NPHP1: variants seen among roughly 807,000 people sequenced by gnomAD.
The protein encoded by NPHP1 is nephrocystin-1.
In NPHP1, 70 loss-of-function variants were observed where a neutral mutation model predicts 90.4. The observed-to-expected ratio is 0.77, with a 90% confidence interval of 0.64 to 0.95. NPHP1 has a LOEUF of 0.95. NPHP1 is among the 40% of genes least tolerant of loss of function. The pLI is 0.00. For missense variants in NPHP1, 764 were observed against 795.9 expected, an observed-to-expected ratio of 0.96 and a Z score of 0.48; for synonymous variants, 256 against 271.7, an observed-to-expected ratio of 0.94 and a Z score of 0.57.
At chr2:110,164,195 C>A in intron 8 of NPHP1, 1 of 345,026 alleles carries the variant, frequency 2.9e-6, no homozygotes, top group Non-Finnish European at 5.5e-6. Context: ...AGCCACCACA[C>A]CTGGCTAATT....
chr2:110,178,752 A>T, intron 3 of NPHP1: 1 of 547,442 alleles, frequency 1.8e-6, no homozygotes, highest in South Asian at 2.6e-5. Context: ...AAATTATACC[A>T]CTTGTTTTAG....
chr2:110,126,657 T>A (rs867809755), intron 18 of NPHP1: 7 of 152,664 alleles, frequency 4.6e-5, no homozygotes, highest in Non-Finnish European at 5.9e-5. Context: ...CTTCTTATTA[T>A]TAAAATGTCA....
chr2:110,191,306 AC>A (rs940130686), intron 2 of NPHP1, among the ~76,000 whole-genome samples: 1 of 152,076 alleles, frequency 6.6e-6, no homozygotes, highest in African/African-American at 2.4e-5. Flanking sequence ...AAATCGGGTC[AC>A]CCCCACCCTA....
chr2:110,184,067 C>A, intron 2 of NPHP1: 1 of 519,812 alleles, frequency 1.9e-6, no homozygotes, highest in South Asian at 1.4e-5. Flanking sequence ...TGGAGTCTTA[C>A]GATACAATCA....
intron 11 of NPHP1, among the ~76,000 whole-genome samples, chr2:110,152,965 C>G (rs772235319): frequency 1.3e-5 from 2 of 151,952 alleles, no homozygotes; most frequent in Non-Finnish European, 2.9e-5. Flanking sequence ...ATTGAAGAAG[C>G]TGAGCAAACC....
intron 18 of NPHP1, chr2:110,127,107 G>A (rs1357584278): frequency 6.6e-6 from 1 of 152,230 alleles, no homozygotes; most frequent in Admixed American, 6.5e-5. Flanking sequence ...GAGCAGAAGT[G>A]GCCCAGGCCC....
Position 110,160,832 on chromosome 2 carries a change from C to T in NPHP1, c.955-577G>A, listed in dbSNP as rs1323674057. Among the ~76,000 whole-genome samples the T allele has an allele frequency of 6.6e-5, 10 of 152,232 alleles. No homozygotes were observed. In the South Asian group the frequency reaches 2.1e-3, roughly 32 times the overall value. ...TTAAGAACAGCTTCAATTCATTAAACTTTACATTCTGCTTTACGGTCATAA... is the reference window on the plus strand; with the variant it reads ...TTAAGAACAGCTTCAATTCATTAAATTTTACATTCTGCTTTACGGTCATAA... On this transcript the variant is annotated intron_variant, in intron 10 of 19. Coordinates refer to ENST00000445609, the MANE Select transcript of NPHP1 (RefSeq NM_001128178.3).
chr2:110,132,083 T>A (rs971851461), intron 16 of NPHP1, among the ~76,000 whole-genome samples: 2 of 152,164 alleles, frequency 1.3e-5, no homozygotes, highest in Non-Finnish European at 1.5e-5. Flanking sequence ...CCACTAATTA[T>A]GTTTTGGAAA....
chr2:110,190,792 G>A (rs1316057128), intron 2 of NPHP1, among the ~76,000 whole-genome samples: 1 of 152,110 alleles, frequency 6.6e-6, no homozygotes, highest in Non-Finnish European at 1.5e-5. Flanking sequence ...CTACAGAATG[G>A]GGGAAAATGT....
chr2:110,187,282 TAAAGA>T (rs927411489), intron 2 of NPHP1, among the ~76,000 whole-genome samples: 11 of 151,756 alleles, frequency 7.2e-5, no homozygotes, highest in African/African-American at 2.7e-4. Context: ...GCTAGACTAA[TAAAGA>T]AAAGAGAGAA....
chr2:110,176,222 G>T (rs947698743), intron 4 of NPHP1, among the ~76,000 whole-genome samples: 1 of 151,876 alleles, frequency 6.6e-6, no homozygotes, highest in Non-Finnish European at 1.5e-5. Flanking sequence ...CCAGATTTTT[G>T]AGTCTATATG....
intron 16 of NPHP1, among the ~76,000 whole-genome samples, chr2:110,139,598 G>A (rs888030566): frequency 6.6e-6 from 1 of 152,198 alleles, no homozygotes; most frequent in Non-Finnish European, 1.5e-5. Flanking sequence ...CTGAGTCAGA[G>A]AGGGCAGTGT....
rs538429780 is a variant in NPHP1, at chr2:110,149,506, C to T, written c.1158+676G>A. 7.9e-5 allele frequency among the ~76,000 whole-genome samples: 12 copies of T among 152,276 alleles called. No individual in the cohort carries two copies. In the South Asian group the frequency reaches 1.7e-3, roughly 21 times the overall value. On this transcript the variant is annotated intron_variant, in intron 12 of 19. Transcript: ENST00000445609. ...CAGGCACAGCACACAGTTGAGGTGG[C>T]TGGCCTCATCCACACCCTGAGCCCT...
At chr2:110,177,071 T>G (rs141064408) in intron 4 of NPHP1, among the ~76,000 whole-genome samples, 85 of 152,268 alleles carry the variant, frequency 5.6e-4, no homozygotes, top group African/African-American at 1.9e-3. Context: ...TCTACCTTCC[T>G]CCACCACAGC....
chr2:110,170,982 A>G (rs1220181805), intron 4 of NPHP1, among the ~76,000 whole-genome samples: 1 of 152,134 alleles, frequency 6.6e-6, no homozygotes, highest in African/African-American at 2.4e-5. Context: ...AGTCGCCCCT[A>G]AAAATGAGTA....
At chr2:110,157,244 T>C (rs1559069200) in intron 11 of NPHP1, among the ~76,000 whole-genome samples, 1 of 152,106 alleles carries the variant, frequency 6.6e-6, no homozygotes, top group Non-Finnish European at 1.5e-5. Context: ...TTATTGAAAA[T>C]AAAATTCCAT....
chr2:110,160,355 A>T (rs913288239), intron 10 of NPHP1, 100 bp from the exon 11 acceptor site: 45 of 910,928 alleles, frequency 4.9e-5, no homozygotes, highest in East Asian at 4.0e-4. Context: ...CAGAATTTTT[A>T]AAAAAGAAAA....
intron 2 of NPHP1, among the ~76,000 whole-genome samples, chr2:110,185,909 G>A (rs2104644895): frequency 6.6e-6 from 1 of 152,268 alleles, no homozygotes; most frequent in East Asian, 1.9e-4. Flanking sequence ...GAGAGTTTAA[G>A]GTGCCTGCTG....
chr2:110,126,093 G>A, intron 18 of NPHP1: 2 of 256,728 alleles, frequency 7.8e-6, no homozygotes, highest in South Asian at 1.0e-4. Context: ...GATGACAATG[G>A]TCAGAATGAG....
Sources: gnomAD v4.1 joint callset for allele counts (sites outside exome capture counted in the v4.1 genomes callset) on GRCh38, gnomAD v4.1.1 for gene constraint, MANE v1.5 for transcripts, NCBI Gene and HGNC (gene_info 2026-07-23, HGNC 2026-07-21) for gene names.